RIC3: variants seen among roughly 807,000 people sequenced by gnomAD.
RIC3 encodes protein RIC-3.
In RIC3, 28 loss-of-function variants were observed where a neutral mutation model predicts 27.3. The ratio of observed to expected loss-of-function variants is 1.02; its 90% CI spans 0.76 to 1.41. The LOEUF (loss-of-function observed/expected upper bound fraction) is 1.41. Among genes scored for constraint, RIC3 ranks in the 40% most tolerant of loss-of-function variants. The pLI, the probability that RIC3 is intolerant of heterozygous loss-of-function variation, is 0.00. For missense variants in RIC3, 501 were observed against 444.7 expected (o/e 1.13, Z -1.14); for synonymous variants, 184 against 160.4 (o/e 1.15, Z -1.11).
intron 1 of RIC3, among the ~76,000 whole-genome samples, chr11:8,150,266 C>CT (rs1950098003): frequency 6.6e-6 from 1 of 152,128 alleles, no homozygotes; most frequent in Non-Finnish European, 1.5e-5. Context: ...ATAAAGTCTC[C>CT]TCTTCTCTTC....
chr11:8,134,360 A>G (rs944066610), intron 4 of RIC3, among the ~76,000 whole-genome samples: 7 of 152,146 alleles, frequency 4.6e-5, no homozygotes, highest in African/African-American at 1.2e-4. Context: ...ATTCCATGGT[A>G]TATATGTGCC....
chr11:8,097,966 C>A, the RIC3 span: 1 of 670,634 alleles, frequency 1.5e-6, no homozygotes, highest in Non-Finnish European at 2.6e-6. Context: ...ATAATCACAT[C>A]CAACTGGAGG....
the RIC3 span, chr11:8,097,796 G>A: frequency 2.5e-6 from 4 of 1,613,974 alleles, no homozygotes; most frequent in Non-Finnish European, 2.5e-6. Context: ...GACTTGTCTC[G>A]AGGAGGGGAC....
At chr11:8,156,682 C>T (rs1465005609) in intron 1 of RIC3, among the ~76,000 whole-genome samples, 1 of 152,138 alleles carries the variant, frequency 6.6e-6, no homozygotes, top group Non-Finnish European at 1.5e-5. Flanking sequence ...CCTCCAGTGG[C>T]TTTGCTTTCC....
intron 4 of RIC3, among the ~76,000 whole-genome samples, chr11:8,136,804 T>C (rs1948474544): frequency 1.3e-5 from 2 of 152,238 alleles, no homozygotes; most frequent in South Asian, 4.1e-4. Context: ...TCTTAAATCA[T>C]AGTTATTTCA....
At position 8,120,114 on chromosome 11, in the gene RIC3, T is replaced by C. The variant is rs181724917; in HGVS notation, c.670+6545A>G. Among the ~76,000 whole-genome samples the C allele has an allele frequency of 5.3e-5, 8 of 152,322 alleles. No individual in the cohort carries two copies. The East Asian group carries it at 1.2e-3, about 22-fold the overall frequency. On this transcript the variant is annotated intron_variant, in intron 5 of 5. Coordinates refer to ENST00000309737, the MANE Select transcript of RIC3 (RefSeq NM_001206671.4). Reference sequence around the variant, plus strand: ...GTGGGAGTGCAAATTAGTTCAACCATTGTGGAAGACAGTGTGGCAATTCTT... The same window carrying C: ...GTGGGAGTGCAAATTAGTTCAACCACTGTGGAAGACAGTGTGGCAATTCTT...
At chr11:8,098,105 C>T in the RIC3 span, among the ~76,000 whole-genome samples, 150 of 152,080 alleles carry the variant, frequency 9.9e-4, no homozygotes, top group Non-Finnish European at 1.8e-3. Flanking sequence ...TCACTGATAA[C>T]GCAGGCCACC....
chr11:8,163,044 CACACACAT>C (rs1291480687), intron 1 of RIC3, among the ~76,000 whole-genome samples: 3 of 139,712 alleles, frequency 2.1e-5, no homozygotes, highest in African/African-American at 8.6e-5. Context: ...CACACACACA[CACACACAT>C]ACACACACAC....
At chr11:8,101,609 C>T (rs201497942), downstream of RIC3, 15 of 1,614,086 alleles carry the variant, frequency 9.3e-6, no homozygotes, top group African/African-American at 2.7e-5. Context: ...AGCAAGCTGG[C>T]GTGCGAGTAG....
intron 1 of RIC3, among the ~76,000 whole-genome samples, chr11:8,147,110 C>G (rs964440730): frequency 6.6e-6 from 1 of 152,172 alleles, no homozygotes; most frequent in Non-Finnish European, 1.5e-5. Context: ...TGCAACCATT[C>G]CTCTCTCACC....
chr11:8,162,629 C>CTTTTTTTTTTT (rs757717970), intron 1 of RIC3, among the ~76,000 whole-genome samples: 44 of 83,742 alleles, frequency 5.3e-4, no homozygotes, highest in South Asian at 8.6e-4. Context: ...CATGCTTCTT[C>CTTTTTTTTTTT]TTTTTTTTTT....
intron 1 of RIC3, among the ~76,000 whole-genome samples, chr11:8,159,446 T>C (rs1446131706): frequency 6.6e-6 from 1 of 152,056 alleles, no homozygotes; most frequent in Admixed American, 6.6e-5. Flanking sequence ...CTGTAGAGTT[T>C]TGAGGAGGGG....
intron 1 of RIC3, among the ~76,000 whole-genome samples, chr11:8,150,013 T>C (rs1452836614): frequency 6.6e-6 from 1 of 152,240 alleles, no homozygotes; most frequent in Admixed American, 6.5e-5. Flanking sequence ...AACTCCACTC[T>C]CTGACCACGC....
At chr11:8,105,865 G>C (rs138767796), downstream of RIC3, 1 of 152,106 alleles carries the variant, frequency 6.6e-6, no homozygotes, top group African/African-American at 2.4e-5. Flanking sequence ...TTCCTAGAAC[G>C]CAACTTAGGA....
the RIC3 span, chr11:8,095,686 G>A: frequency 3.2e-6 from 5 of 1,568,550 alleles, no homozygotes; most frequent in Non-Finnish European, 4.3e-6. Flanking sequence ...TGGGGACCCA[G>A]TGATACCCCC....
chr11:8,126,946 A>G, intron 4 of RIC3, 139 bp from the exon 5 acceptor site: 10 of 951,884 alleles, frequency 1.1e-5, no homozygotes, highest in Non-Finnish European at 1.5e-5. Flanking sequence ...TGATCCTCCA[A>G]CTGCATAGCT....
chr11:8,132,662 T>A (rs575497960), intron 4 of RIC3, among the ~76,000 whole-genome samples: 18 of 152,352 alleles, frequency 1.2e-4, no homozygotes, highest in African/African-American at 4.3e-4. Context: ...CTGTTCTTAC[T>A]TAAGCATTAA....
Position 8,110,463 on chromosome 11 carries a change from G to C in RIC3, c.*235C>G. ...TTAATGGATCAACTTCTCTGATAGA[G>C]GAAAGGCAGGAAGAGAAAGAGCGAA... On this transcript the variant is annotated 3_prime_UTR_variant, in exon 6 of 6. Transcript: ENST00000309737. 1.7e-6 allele frequency: 1 copy of C among 599,950 alleles called. No homozygotes were observed. Among genetic ancestry groups the C allele is most frequent in the East Asian group, 2.9e-5 (1 of 34,744 alleles). The allele number at this position is 599,950 out of a possible 1,614,324, so 37.2% of individuals were successfully genotyped here.
At chr11:8,125,094 A>T (rs1420228515) in intron 5 of RIC3, among the ~76,000 whole-genome samples, 2 of 152,070 alleles carry the variant, frequency 1.3e-5, no homozygotes, top group African/African-American at 4.8e-5. Flanking sequence ...TCTACTAAAA[A>T]TACAAAAAAA....
Sources: allele counts gnomAD v4.1 joint callset (sites outside exome capture counted in the v4.1 genomes callset), GRCh38; gene constraint gnomAD v4.1.1; transcripts MANE v1.5; gene names NCBI Gene and HGNC (gene_info 2026-07-23, HGNC 2026-07-21).